PTPDC1: variants seen among roughly 807,000 people sequenced by gnomAD.
The protein encoded by PTPDC1 is protein tyrosine phosphatase domain-containing protein 1.
In PTPDC1, 53 loss-of-function variants were observed where a neutral mutation model predicts 75.3. The observed-to-expected ratio is 0.70, with a 90% CI of 0.56 to 0.88. The LOEUF is 0.88. Among genes scored for constraint, PTPDC1 ranks in the 40% least tolerant of loss-of-function variants. PTPDC1 has a pLI of 0.00. For missense variants in PTPDC1, 925 were observed against 998.6 expected (o/e 0.93, Z 0.99); for synonymous variants, 349 against 366.2 (o/e 0.95, Z 0.54).
intron 2 of PTPDC1, among the ~76,000 whole-genome samples, chr9:94,078,565 ACTCCT>A (rs1826771143): frequency 6.6e-6 from 1 of 151,360 alleles, no homozygotes; most frequent in Non-Finnish European, 1.5e-5. Context: ...AGTTTTTTCT[ACTCCT>A]CTCTCAACTC....
intron 7 of PTPDC1, among the ~76,000 whole-genome samples, chr9:94,102,643 G>T (rs887326726): frequency 5.3e-5 from 8 of 152,000 alleles, no homozygotes; most frequent in African/African-American, 1.9e-4. Flanking sequence ...GCAATGGCGC[G>T]ATCTCAGCTC....
At chr9:94,061,620 C>T (rs1826141617) in intron 1 of PTPDC1, among the ~76,000 whole-genome samples, 1 of 152,248 alleles carries the variant, frequency 6.6e-6, no homozygotes, top group Admixed American at 6.5e-5. Context: ...GCATTCTGTG[C>T]ACCTGCAGGC....
chr9:94,044,660 T>C (rs1355867425), intron 1 of PTPDC1, among the ~76,000 whole-genome samples: 2 of 152,124 alleles, frequency 1.3e-5, no homozygotes, highest in African/African-American at 4.8e-5. Flanking sequence ...TGGACAACCA[T>C]GAAAGACAAT....
At chr9:94,037,849 C>A (rs575371438) in intron 1 of PTPDC1, among the ~76,000 whole-genome samples, 43 of 152,284 alleles carry the variant, frequency 2.8e-4, no homozygotes, top group African/African-American at 9.9e-4. Flanking sequence ...TTTAAGTTCT[C>A]TTCTTTGCAG....
chr9:94,064,905 A>G, intron 2 of PTPDC1: 1 of 973,624 alleles, frequency 1.0e-6, no homozygotes, highest in Non-Finnish European at 1.6e-6. Flanking sequence ...CACAAAAGAA[A>G]AGGCTCTCTT....
At chr9:94,057,769 T>C (rs1254979758) in intron 1 of PTPDC1, among the ~76,000 whole-genome samples, 1 of 152,228 alleles carries the variant, frequency 6.6e-6, no homozygotes, top group African/African-American at 2.4e-5. Context: ...TCAGCAGTTA[T>C]ATACAGTTGG....
In PTPDC1 at chr9:94,108,221, A is replaced by T; in HGVS notation, c.*277A>T. On this transcript the variant is annotated 3_prime_UTR_variant, in exon 9 of 9. Coordinates refer to ENST00000620992, the MANE Select transcript of PTPDC1 (RefSeq NM_001253829.2). ...ATTATTGTATTAACATTTTAAGTAT[A>T]TGGTGTTTACATTCTTATTTCTTTT... 4.9e-6 allele frequency: 1 copy of T among 202,930 alleles called. No individual in the cohort carries two copies. The highest frequency in any genetic ancestry group is 9.8e-6 in the Non-Finnish European group (1 of 101,872). 12.6% of individuals were successfully genotyped at this position (202,930 alleles called of 1,614,324 possible). A position where few individuals can be genotyped will look rare whatever the true frequency, so the allele number is the denominator to read the frequency against.
intron 1 of PTPDC1, among the ~76,000 whole-genome samples, chr9:94,063,512 T>C (rs10821289): frequency 3.9e-5 from 6 of 152,146 alleles, no homozygotes; most frequent in African/African-American, 1.4e-4. Flanking sequence ...ACATTATTAA[T>C]ATTTCAGGAA....
intron 6 of PTPDC1, chr9:94,100,417 G>A (rs755853833): frequency 6.6e-6 from 1 of 152,190 alleles, no homozygotes; most frequent in Non-Finnish European, 1.5e-5. Flanking sequence ...TTTTATACAT[G>A]ATCTATGGGA....
intron 1 of PTPDC1, among the ~76,000 whole-genome samples, chr9:94,046,886 A>G (rs1825615738): frequency 6.6e-6 from 1 of 152,180 alleles, no homozygotes; most frequent in African/African-American, 2.4e-5. Context: ...CACTATGTTG[A>G]ATAGGAGTGG....
At chr9:94,044,284 A>G (rs1420603718) in intron 1 of PTPDC1, among the ~76,000 whole-genome samples, 1 of 152,238 alleles carries the variant, frequency 6.6e-6, no homozygotes, top group Admixed American at 6.5e-5. Context: ...AATCAAGAAC[A>G]CAAAATATTT....
intron 6 of PTPDC1, 75 bp downstream of exon 6, chr9:94,098,654 C>T: frequency 8.1e-7 from 1 of 1,237,992 alleles, no homozygotes. Context: ...ATACATTTTC[C>T]CAAACTTATT....
intron 2 of PTPDC1, among the ~76,000 whole-genome samples, chr9:94,065,661 G>C (rs927273769): frequency 6.6e-6 from 1 of 152,178 alleles, no homozygotes; most frequent in African/African-American, 2.4e-5. Context: ...GAAAACCATT[G>C]TTTCCCACTT....
intron 1 of PTPDC1, among the ~76,000 whole-genome samples, chr9:94,043,706 G>C (rs867791611): frequency 2.0e-5 from 3 of 152,296 alleles, no homozygotes; most frequent in Middle Eastern, 3.4e-3. Flanking sequence ...GGGTGACAGA[G>C]TGAGACCCTG....
At chr9:94,100,946 C>T (rs115094371) in intron 6 of PTPDC1, 22 of 152,256 alleles carry the variant, frequency 1.4e-4, no homozygotes, top group African/African-American at 5.1e-4. Flanking sequence ...CAGTTATCTT[C>T]CCTATGTCAA....
chr9:94,101,651 G>T lies in PTPDC1; in HGVS notation c.2099G>T (p.Trp700Leu). 1.2e-6 allele frequency: 2 copies of T among 1,614,026 alleles called. No individual in the cohort carries two copies. The highest frequency in any genetic ancestry group is 1.7e-6 in the Non-Finnish European group (2 of 1,179,914). The change falls in exon 7 of 9, where the codon TGG becomes TTG. Residue 700 changes from tryptophan (W) to leucine (L), a missense_variant. Transcript: ENST00000620992. The part of the protein sequence containing the change: ...PFILCSLMWS[W>L]VEQLKEPVIT... ...ATCCTATGCAGCTTGATGTGGTCTT[G>T]GGTGGAGCAACTGAAGGAGCCTGTA... is the stretch of plus-strand genomic sequence containing the variant.
chr9:94,054,455 G>A (rs140730108), intron 1 of PTPDC1, among the ~76,000 whole-genome samples: 35 of 152,206 alleles, frequency 2.3e-4, no homozygotes, highest in African/African-American at 7.0e-4. Context: ...AAGCTAATAC[G>A]TGCCAACTCC....
In PTPDC1 at chr9:94,088,376, A is replaced by C; in HGVS notation, c.616+113A>C. 6 of 1,242,056 alleles carry C rather than the reference A, an allele frequency of 4.8e-6. No homozygotes were observed. In the South Asian group the frequency reaches 7.9e-5, roughly 16 times the overall value. 76.9% of individuals were successfully genotyped at this position (1,242,056 alleles called of 1,614,324 possible). A position where few individuals can be genotyped will look rare whatever the true frequency, so the allele number is the denominator to read the frequency against. The stretch of plus-strand genomic sequence containing the variant: ...TGGAAATAAATACCTTCTGCATCAT[A>C]GTAAGGTTTAGAAAAAATGAGCTAC... On this transcript the variant is annotated intron_variant, in intron 4 of 8. Transcript: ENST00000620992.
At chr9:94,064,708 T>A in intron 1 of PTPDC1, 9 of 1,576,430 alleles carry the variant, frequency 5.7e-6, no homozygotes, top group Non-Finnish European at 7.8e-6. Flanking sequence ...AGGCAAACTT[T>A]CAAAAAATAA....
Sources: allele counts gnomAD v4.1 joint callset (sites outside exome capture counted in the v4.1 genomes callset), GRCh38; gene constraint gnomAD v4.1.1; transcripts MANE v1.5; gene names NCBI Gene and HGNC (gene_info 2026-07-23, HGNC 2026-07-21).